PTH2R: variants seen among roughly 807,000 people sequenced by gnomAD.
PTH2R encodes the protein parathyroid hormone 2 receptor.
PTH2R carries 59 observed loss-of-function variants against 60.3 expected under a neutral mutation model. The ratio of observed to expected loss-of-function variants is 0.98; its 90% CI spans 0.79 to 1.22. The LOEUF (loss-of-function observed/expected upper bound fraction) is 1.22. PTH2R is among the 50% of genes most tolerant of loss of function. The pLI, the probability that PTH2R is intolerant of heterozygous loss-of-function variation, is 0.00. For missense variants in PTH2R, 749 were observed against 682.6 expected (o/e 1.10, Z -1.08); for synonymous variants, 256 against 243.8 (o/e 1.05, Z -0.47).
chr2:208,373,252 C>T (rs1291045396), intron 1 of PTH2R, among the ~76,000 whole-genome samples: 1 of 151,916 alleles, frequency 6.6e-6, no homozygotes, highest in African/African-American at 2.4e-5. Context: ...AGTTGCTGGC[C>T]TAGGAATTGT....
intron 1 of PTH2R, among the ~76,000 whole-genome samples, chr2:208,407,522 A>C (rs1701442129): frequency 6.6e-6 from 1 of 152,368 alleles, no homozygotes; most frequent in South Asian, 2.1e-4. Flanking sequence ...TTGAGAATTT[A>C]AATTTACAGG....
intron 7 of PTH2R, among the ~76,000 whole-genome samples, chr2:208,446,498 A>C (rs1426637922): frequency 1.3e-5 from 2 of 152,350 alleles, no homozygotes; most frequent in African/African-American, 4.8e-5. Flanking sequence ...TTGACTTTTC[A>C]TGGAAACTGT....
chr2:208,450,867 C>T, intron 8 of PTH2R, 58 bp downstream of exon 8: 2 of 1,561,478 alleles, frequency 1.3e-6, no homozygotes, highest in South Asian at 1.1e-5. Flanking sequence ...ACTCAGGCTT[C>T]CTGCTCAGAA....
At chr2:208,468,557 A>C (rs1004688698) in intron 9 of PTH2R, among the ~76,000 whole-genome samples, 1 of 152,136 alleles carries the variant, frequency 6.6e-6, no homozygotes, top group Non-Finnish European at 1.5e-5. Flanking sequence ...CTTTCCAGTC[A>C]GTTGCTTGAC....
intron 7 of PTH2R, among the ~76,000 whole-genome samples, chr2:208,445,254 A>G (rs972751907): frequency 1.4e-4 from 21 of 152,336 alleles, no homozygotes; most frequent in Middle Eastern, 3.4e-3. Context: ...TTTCTAAGCT[A>G]TAATGATATA....
intron 8 of PTH2R, 48 bp from the exon 9 acceptor site, chr2:208,459,847 C>G (rs1435270740): frequency 6.7e-7 from 1 of 1,487,588 alleles, no homozygotes; most frequent in Non-Finnish European, 9.4e-7. Flanking sequence ...TAATACTACC[C>G]ATTTGCTTTG....
intron 1 of PTH2R, among the ~76,000 whole-genome samples, chr2:208,389,767 C>CT (rs1164667340): frequency 9.9e-5 from 15 of 151,728 alleles, no homozygotes; most frequent in African/African-American, 3.6e-4. Flanking sequence ...AACTAAAGAT[C>CT]TTTGAAGATA....
upstream of PTH2R, among the ~76,000 whole-genome samples, chr2:208,403,875 C>G (rs1230726067): frequency 6.6e-6 from 1 of 152,180 alleles, no homozygotes; most frequent in Non-Finnish European, 1.5e-5. Flanking sequence ...CTATGGGCGT[C>G]TCAGACTTCC....
chr2:208,459,587 A>G (rs544688735), intron 8 of PTH2R, among the ~76,000 whole-genome samples: 3 of 152,170 alleles, frequency 2.0e-5, no homozygotes. Context: ...TATCAGTTGT[A>G]TGACATTTAG....
chr2:208,473,587 A>C (rs1189743434), intron 9 of PTH2R, among the ~76,000 whole-genome samples: 1 of 152,190 alleles, frequency 6.6e-6, no homozygotes, highest in Non-Finnish European at 1.5e-5. Flanking sequence ...CAGACACTTT[A>C]GAAGTGTACC....
At chr2:208,491,775 CTG>C (rs1392848306) in intron 12 of PTH2R, among the ~76,000 whole-genome samples, 1 of 151,830 alleles carries the variant, frequency 6.6e-6, no homozygotes, top group Admixed American at 6.6e-5. Context: ...CCATTGTAGA[CTG>C]TGAAGTTTTG....
intron 10 of PTH2R, 64 bp from the exon 11 acceptor site, chr2:208,488,948 G>T: frequency 6.3e-7 from 1 of 1,578,040 alleles, no homozygotes; most frequent in Non-Finnish European, 8.6e-7. Flanking sequence ...TTTTCCTCCA[G>T]CACGCTGTCT....
intron 9 of PTH2R, among the ~76,000 whole-genome samples, chr2:208,480,391 G>C (rs989078946): frequency 2.0e-5 from 3 of 152,064 alleles, no homozygotes; most frequent in African/African-American, 7.2e-5. Context: ...CCCAGACCTG[G>C]AGACATGTTC....
intron 8 of PTH2R, 100 bp from the exon 9 acceptor site, chr2:208,459,795 A>G: frequency 2.2e-6 from 2 of 890,920 alleles, no homozygotes; most frequent in Admixed American, 2.2e-5. Flanking sequence ...TCTTAATTGG[A>G]AGTGTGGGGT....
intron 1 of PTH2R, among the ~76,000 whole-genome samples, chr2:208,391,969 G>A (rs1701116436): frequency 6.6e-6 from 1 of 152,188 alleles, no homozygotes. Flanking sequence ...AGAACTCAGA[G>A]AGGTCTGGTG....
chr2:208,441,337 A>G (rs1702179392), intron 4 of PTH2R, among the ~76,000 whole-genome samples: 1 of 152,140 alleles, frequency 6.6e-6, no homozygotes, highest in African/African-American at 2.4e-5. Context: ...GGGGTGCACC[A>G]CCCTTCTGGT....
chr2:208,453,226 T>C (rs1702443171), intron 8 of PTH2R, among the ~76,000 whole-genome samples: 2 of 152,240 alleles, frequency 1.3e-5, no homozygotes, highest in South Asian at 4.1e-4. Context: ...ATTCCCATTT[T>C]TTGTTGACAT....
At chr2:208,367,424 CTTTT>C (rs141555131) in intron 1 of PTH2R, among the ~76,000 whole-genome samples, 3 of 129,012 alleles carry the variant, frequency 2.3e-5, no homozygotes, top group Admixed American at 8.2e-5. Flanking sequence ...TTTTCTCTTT[CTTTT>C]TTTTTTTTTT....
intron 1 of PTH2R, among the ~76,000 whole-genome samples, chr2:208,390,584 G>A (rs1701091105): frequency 6.6e-6 from 1 of 152,212 alleles, no homozygotes; most frequent in Non-Finnish European, 1.5e-5. Context: ...AATAGACTTA[G>A]TGATAGTAAA....
Sources: allele counts gnomAD v4.1 joint callset (sites outside exome capture counted in the v4.1 genomes callset), GRCh38; gene constraint gnomAD v4.1.1; transcripts MANE v1.5; gene names NCBI Gene and HGNC (gene_info 2026-07-23, HGNC 2026-07-21).